Variants in COL27A1 observed in about 807,000 individuals in gnomAD.
The protein encoded by COL27A1 is collagen alpha-1(XXVII) chain.
Under a neutral mutation model 251.3 loss-of-function variants are expected in COL27A1, and 106 were observed. The ratio of observed to expected loss-of-function variants is 0.42; its 90% CI spans 0.36 to 0.50. The LOEUF (loss-of-function observed/expected upper bound fraction) is 0.50, where lower values mean the gene tolerates loss of function less well. COL27A1 is among the 20% of genes least tolerant of loss of function. The pLI, the probability that COL27A1 is intolerant of heterozygous loss-of-function variation, is 0.00. For missense variants in COL27A1, 2,325 were observed against 2,522.8 expected, an observed-to-expected ratio of 0.92 and a Z score of 1.68; for synonymous variants, 1,000 against 986.3, an observed-to-expected ratio of 1.01 and a Z score of -0.26.
Position 114,289,310 on chromosome 9 carries a change from G to A in COL27A1, c.4206+15G>A. 6 of 1,565,450 alleles carry A rather than the reference G, an allele frequency of 3.8e-6. No homozygotes were observed. Among genetic ancestry groups the A allele is most frequent in the Non-Finnish European group, 5.2e-6 (6 of 1,160,836 alleles). On this transcript the variant is annotated intron_variant, in intron 45 of 60. Coordinates refer to ENST00000356083, the MANE Select transcript of COL27A1 (RefSeq NM_032888.4). ...AAGGCGCAGAGGTAAGAGGGCCGGG[G>A]GTTCAGCAGGGAGACTGAGTCCCAG... is the stretch of plus-strand genomic sequence containing the variant.
chr9:114,245,218 C>T (rs1450033679), intron 23 of COL27A1, among the ~76,000 whole-genome samples: 1 of 137,422 alleles, frequency 7.3e-6, no homozygotes, highest in Admixed American at 8.0e-5. Flanking sequence ...TACAGTGGTG[C>T]AATCTCGGCT....
At position 114,275,660 on chromosome 9, in the gene COL27A1, G is replaced by A; in HGVS notation, c.3610-1G>A. The A allele has an allele frequency of 6.5e-7, 1 of 1,544,866 alleles. No individual in the cohort carries two copies. Among genetic ancestry groups the A allele is most frequent in the Non-Finnish European group, 8.7e-7 (1 of 1,143,364 alleles). On this transcript the variant is annotated splice_acceptor_variant, in intron 36 of 60. Coordinates refer to ENST00000356083, the MANE Select transcript of COL27A1 (RefSeq NM_032888.4). LOFTEE classifies it high-confidence loss of function. Reference sequence around the variant, plus strand: ...TCCCCTCTTCATGCCCTGCCACCCAGGGGGACAGGGGAGACCCAGGGCCTG... The same window carrying A: ...TCCCCTCTTCATGCCCTGCCACCCAAGGGGACAGGGGAGACCCAGGGCCTG...
chr9:114,194,344 G>A, intron 5 of COL27A1, 60 bp from the exon 6 acceptor site: 1 of 1,529,760 alleles, frequency 6.5e-7, no homozygotes, highest in Non-Finnish European at 9.1e-7. Flanking sequence ...AGAGTTTGTG[G>A]GGAGGCAGAC....
chr9:114,288,611 A>G, intron 42 of COL27A1, 91 bp from the exon 43 acceptor site: 1 of 1,545,404 alleles, frequency 6.5e-7, no homozygotes, highest in Non-Finnish European at 8.8e-7. Flanking sequence ...CAGGTCCCTG[A>G]GAGCTCCGCA....
chr9:114,208,331 A>G (rs1830115364), intron 10 of COL27A1, among the ~76,000 whole-genome samples: 1 of 152,108 alleles, frequency 6.6e-6, no homozygotes, highest in Non-Finnish European at 1.5e-5. Flanking sequence ...ATCACCTGTG[A>G]TCAGCTATTC....
intron 28 of COL27A1, among the ~76,000 whole-genome samples, chr9:114,259,727 T>C (rs1834180880): frequency 6.6e-6 from 1 of 152,222 alleles, no homozygotes; most frequent in Non-Finnish European, 1.5e-5. Context: ...GACAGGATGG[T>C]CTGCCAGCAA....
intron 3 of COL27A1, among the ~76,000 whole-genome samples, chr9:114,169,903 T>A (rs1250742502): frequency 6.6e-6 from 1 of 152,246 alleles, no homozygotes; most frequent in Non-Finnish European, 1.5e-5. Context: ...GTCTGAGAGT[T>A]GCAGACAAAG....
Position 114,243,467 on chromosome 9 carries a change from C to T in COL27A1, c.2881-40C>T, listed in dbSNP as rs746360196. 9.4e-6 allele frequency: 15 copies of T among 1,593,670 alleles called. No individual in the cohort carries two copies. In the South Asian group the frequency reaches 1.3e-4, roughly 14 times the overall value. On this transcript the variant is annotated intron_variant, in intron 22 of 60. Coordinates refer to ENST00000356083, the MANE Select transcript of COL27A1 (RefSeq NM_032888.4). ...GCCCCTGGACCCCAGCCATGTTGCC[C>T]CTGTCCAGCTTCTCCCACTTACCTG...
chr9:114,173,690 A>G (rs1849484070), intron 3 of COL27A1, among the ~76,000 whole-genome samples: 1 of 149,628 alleles, frequency 6.7e-6, no homozygotes, highest in Non-Finnish European at 1.5e-5. Flanking sequence ...ACATGGATTC[A>G]GTGAGATGCG....
chr9:114,211,967 A>G (rs1830396933), intron 12 of COL27A1, among the ~76,000 whole-genome samples: 1 of 152,220 alleles, frequency 6.6e-6, no homozygotes, highest in South Asian at 2.1e-4. Flanking sequence ...GGAAGGGAGT[A>G]TGAAGAGGAG....
intron 49 of COL27A1, among the ~76,000 whole-genome samples, chr9:114,293,638 A>AAC (rs1828069790): frequency 6.6e-6 from 1 of 152,166 alleles, no homozygotes; most frequent in African/African-American, 2.4e-5. Context: ...GAAACAACAA[A>AAC]AACAACAAAA....
intron 29 of COL27A1, 34 bp downstream of exon 29, chr9:114,264,442 C>A: frequency 6.7e-7 from 1 of 1,487,588 alleles, no homozygotes; most frequent in South Asian, 1.3e-5. Context: ...TTCCTCACTC[C>A]TCCGACACTG....
intron 37 of COL27A1, among the ~76,000 whole-genome samples, chr9:114,277,565 C>G (rs1297917894): frequency 1.3e-5 from 2 of 152,184 alleles, no homozygotes; most frequent in Non-Finnish European, 2.9e-5. Context: ...AAAAATAGCA[C>G]TGAAGTGCCA....
rs138991106 is a variant in COL27A1, at chr9:114,191,950, C to G, written c.2017-2454C>G. ...ATGCTTATCATCATCACTGGTCTCT[C>G]TGGTTTTTCCATCATGGACATGAGT... On this transcript the variant is annotated intron_variant, in intron 5 of 60. Transcript: ENST00000356083. Among the ~76,000 whole-genome samples, 4 of 152,326 alleles carry G rather than the reference C, an allele frequency of 2.6e-5. No homozygotes were observed. In the East Asian group the frequency reaches 7.7e-4, roughly 29 times the overall value.
chr9:114,298,738 A>G (rs1480370964), intron 49 of COL27A1, among the ~76,000 whole-genome samples: 2 of 152,236 alleles, frequency 1.3e-5, no homozygotes, highest in Non-Finnish European at 2.9e-5. Context: ...GTGTTAGGTA[A>G]TAGTTTCTTA....
chr9:114,296,815 A>G (rs986991664), intron 49 of COL27A1, among the ~76,000 whole-genome samples: 1 of 152,248 alleles, frequency 6.6e-6, no homozygotes, highest in Admixed American at 6.5e-5. Context: ...AATGTGTATC[A>G]GCCGGTGAAT....
rs748068839 is a variant in COL27A1, at chr9:114,270,740, C to T, written c.3568C>T (p.Leu1190Phe). The T allele has an allele frequency of 5.6e-5, 91 of 1,612,864 alleles. No homozygotes were observed. In the South Asian group the frequency reaches 9.2e-4, roughly 16 times the overall value. The change falls in exon 36 of 61, where the codon CTT becomes TTT. Residue 1190 changes from leucine to phenylalanine, a missense_variant. Around this residue, in one of 4 missense-constraint regions of COL27A1, gnomAD observed 662 missense variants for 795.3 expected, o/e 0.83. Transcript: ENST00000356083. ...TCACCTTTTCCAGGGAGAGCCAGGC[C>T]TTGAGGGTGACAGTGGCCCCATGGG... is the stretch of plus-strand genomic sequence containing the variant. ...GLIGQRGEPG[L>F]EGDSGPMGPD...
At chr9:114,253,865 G>A (rs796217308) in intron 27 of COL27A1, among the ~76,000 whole-genome samples, 25 of 152,322 alleles carry the variant, frequency 1.6e-4, no homozygotes, top group African/African-American at 4.8e-4. Context: ...GTTACTGAGC[G>A]ATAAGTGCTT....
chr9:114,267,860 G>A (rs1255881291), intron 34 of COL27A1, among the ~76,000 whole-genome samples: 1 of 152,202 alleles, frequency 6.6e-6, no homozygotes, highest in Non-Finnish European at 1.5e-5. Flanking sequence ...ATTACCTGCT[G>A]AGAAACAGGT....
Sources: gnomAD v4.1 joint callset for allele counts (sites outside exome capture counted in the v4.1 genomes callset) on GRCh38, gnomAD v4.1.1 for gene constraint, gnomAD v4.1.1 regional missense constraint, MANE v1.5 for transcripts, NCBI Gene and HGNC (gene_info 2026-07-23, HGNC 2026-07-21) for gene names.